The following MAP3K9 variants were observed in gnomAD, a reference collection of about 807,000 sequenced individuals.
MAP3K9 encodes mixed lineage kinase 1 (tyr and ser/thr specificity).
Under a neutral mutation model 95.8 loss-of-function variants are expected in MAP3K9, and 46 were observed. The observed-to-expected ratio is 0.48, with a 90% CI of 0.38 to 0.61. The LOEUF is 0.61. Among genes scored for constraint, MAP3K9 ranks in the 20% least tolerant of loss-of-function variants. The pLI is 0.00. For missense variants in MAP3K9, 1,296 were observed against 1,474.3 expected (o/e 0.88, Z 1.98); for synonymous variants, 533 against 593.8 (o/e 0.90, Z 1.49).
At chr14:70,782,343 G>C (rs1156608363) in intron 2 of MAP3K9, among the ~76,000 whole-genome samples, 1 of 152,140 alleles carries the variant, frequency 6.6e-6, no homozygotes, top group African/African-American at 2.4e-5. Context: ...TACCCACATC[G>C]GTTGAGAATC....
chr14:70,792,558 T>C (rs1161359537), intron 2 of MAP3K9, among the ~76,000 whole-genome samples: 4 of 152,210 alleles, frequency 2.6e-5, no homozygotes, highest in South Asian at 4.1e-4. Flanking sequence ...CATTCTCTTG[T>C]AGGAAAAAAC....
intron 11 of MAP3K9, among the ~76,000 whole-genome samples, 155 bp downstream of exon 11, chr14:70,732,384 C>A (rs2053916870): frequency 6.6e-6 from 1 of 152,180 alleles, no homozygotes; most frequent in Non-Finnish European, 1.5e-5. Context: ...GCCCTGGCTG[C>A]CTCCCTGATC....
intron 3 of MAP3K9, among the ~76,000 whole-genome samples, 176 bp downstream of exon 3, chr14:70,760,826 C>A (rs2054363739): frequency 6.6e-6 from 1 of 152,116 alleles, no homozygotes; most frequent in Non-Finnish European, 1.5e-5. Context: ...TAGATGAAAG[C>A]ATTAGAAACT....
chr14:70,776,043 G>T (rs2054593489), intron 2 of MAP3K9, among the ~76,000 whole-genome samples: 1 of 152,070 alleles, frequency 6.6e-6, no homozygotes, highest in Non-Finnish European at 1.5e-5. Flanking sequence ...ACAAAAATTA[G>T]CTGAGCATGA....
At chr14:70,801,129 A>G (rs1252420684) in intron 1 of MAP3K9, 49 bp from the exon 2 acceptor site, 1 of 1,550,704 alleles carries the variant, frequency 6.4e-7, no homozygotes, top group Admixed American at 1.8e-5. Context: ...TCTTGAAAAC[A>G]TCGTATTTAA....
At chr14:70,801,912 T>G (rs1566770299) in intron 1 of MAP3K9, among the ~76,000 whole-genome samples, 1 of 152,176 alleles carries the variant, frequency 6.6e-6, no homozygotes, top group African/African-American at 2.4e-5. Context: ...CCAGGGAGTC[T>G]GCTGTGGCCA....
intron 2 of MAP3K9, among the ~76,000 whole-genome samples, chr14:70,770,839 C>T (rs2054522004): frequency 6.6e-6 from 1 of 152,206 alleles, no homozygotes; most frequent in African/African-American, 2.4e-5. Context: ...GTACCCCACT[C>T]CCCTCTTTAC....
intron 2 of MAP3K9, among the ~76,000 whole-genome samples, chr14:70,777,714 G>GAT (rs1038702648): frequency 2.6e-5 from 4 of 152,210 alleles, no homozygotes; most frequent in Admixed American, 1.3e-4. Flanking sequence ...GCTGTGAAAA[G>GAT]ATATATCAGG....
rs1004744753 is a variant in MAP3K9 at position 70,724,860 on chromosome 14, G to T, written c.*5520C>A. 2.6e-5 allele frequency: 4 copies of T among 152,164 alleles called. No homozygotes were observed. The highest frequency in any genetic ancestry group is 4.4e-5 in the Non-Finnish European group (3 of 68,062). 9.4% of individuals were successfully genotyped at this position (152,164 alleles called of 1,614,324 possible). A position where few individuals can be genotyped will look rare whatever the true frequency, so the allele number is the denominator to read the frequency against. On this transcript the variant is annotated 3_prime_UTR_variant, in exon 12 of 12. Transcript: ENST00000554752. ...CTATCCCTCATGTTCCGGTAGGAGA[G>T]GCCTGTCTGTGCACCCCTGGAATGG...
chr14:70,800,154 A>G (rs1187214904), intron 2 of MAP3K9, among the ~76,000 whole-genome samples: 1 of 152,216 alleles, frequency 6.6e-6, no homozygotes, highest in Non-Finnish European at 1.5e-5. Flanking sequence ...TATTACCAGG[A>G]AGTCATGCTC....
chr14:70,749,017 T>G lies in MAP3K9; in HGVS notation c.1151-13A>C. 6.2e-7 allele frequency: 1 copy of G among 1,605,842 alleles called. No individual in the cohort carries two copies. Among genetic ancestry groups the G allele is most frequent in the Non-Finnish European group, 8.5e-7 (1 of 1,174,918 alleles). On this transcript the variant is annotated splice_polypyrimidine_tract_variant and intron_variant, in intron 4 of 11. Coordinates refer to ENST00000554752, the MANE Select transcript of MAP3K9 (RefSeq NM_001284230.2). ...GGATTCCAGCAGTCTGAATAGAACA[T>G]GTGAATACTCAGAAAGCATGAATGG...
At chr14:70,790,306 C>G (rs951461977) in intron 2 of MAP3K9, among the ~76,000 whole-genome samples, 1 of 152,254 alleles carries the variant, frequency 6.6e-6, no homozygotes, top group African/African-American at 2.4e-5. Context: ...GAGCACATAG[C>G]AGCCTGACAT....
In MAP3K9 at chr14:70,748,684, G is replaced by A; in HGVS notation, c.1326+145C>T. Reference sequence around the variant, plus strand: ...CTTCTCTGGTTTGGACAATTAAGTAGATACCAAGCTGGAAGGTGGGCATGC... The same window carrying A: ...CTTCTCTGGTTTGGACAATTAAGTAAATACCAAGCTGGAAGGTGGGCATGC... On this transcript the variant is annotated intron_variant, in intron 5 of 11. Transcript: ENST00000554752. 8.1e-6 allele frequency: 5 copies of A among 619,122 alleles called. No individual in the cohort carries two copies. The South Asian group carries it at 1.2e-4, about 14-fold the overall frequency. 38.4% of individuals were successfully genotyped at this position (619,122 alleles called of 1,614,324 possible).
intron 8 of MAP3K9, 93 bp from the exon 9 acceptor site, chr14:70,736,122 C>T (rs2053983626): frequency 2.8e-6 from 2 of 704,538 alleles, no homozygotes; most frequent in Non-Finnish European, 2.5e-6. Flanking sequence ...GGATTCACAC[C>T]ACATCGCCAG....
chr14:70,797,725 T>C (rs1221080282), intron 2 of MAP3K9, among the ~76,000 whole-genome samples: 1 of 152,128 alleles, frequency 6.6e-6, no homozygotes, highest in African/African-American at 2.4e-5. Context: ...AGTGAGACCC[T>C]GTCTCTAAAA....
At chr14:70,806,645 C>T (rs981269157) in intron 1 of MAP3K9, among the ~76,000 whole-genome samples, 4 of 152,302 alleles carry the variant, frequency 2.6e-5, no homozygotes, top group East Asian at 1.9e-4. Flanking sequence ...AAAAGTAGCA[C>T]GCTGTTGCCA....
chr14:70,752,061 G>C (rs1370915785), intron 3 of MAP3K9, among the ~76,000 whole-genome samples: 1 of 152,186 alleles, frequency 6.6e-6, no homozygotes, highest in Non-Finnish European at 1.5e-5. Context: ...CTTTACCCCA[G>C]TGAGGCCTTC....
chr14:70,805,576 TTA>T (rs1477985666), intron 1 of MAP3K9, among the ~76,000 whole-genome samples: 2 of 152,250 alleles, frequency 1.3e-5, no homozygotes, highest in East Asian at 3.8e-4. Context: ...AATATCATTT[TTA>T]TATGTTTTCT....
At chr14:70,739,703 A>G (rs1053444327) in intron 7 of MAP3K9, among the ~76,000 whole-genome samples, 1 of 152,212 alleles carries the variant, frequency 6.6e-6, no homozygotes, top group African/African-American at 2.4e-5. Context: ...CAAATATGGC[A>G]AAGAGTGTGT....
Sources: allele counts gnomAD v4.1 joint callset (sites outside exome capture counted in the v4.1 genomes callset), GRCh38; gene constraint gnomAD v4.1.1; transcripts MANE v1.5; gene names NCBI Gene and HGNC (gene_info 2026-07-23, HGNC 2026-07-21).